CCDC85A: variants seen among roughly 807,000 people sequenced by gnomAD.
CCDC85A encodes coiled-coil domain containing 85A, also known as coiled-coil domain-containing protein 85A.
CCDC85A carries 38 observed loss-of-function variants against 50.2 expected under a neutral mutation model. The observed-to-expected ratio is 0.76, with a 90% CI of 0.58 to 0.99. CCDC85A has a LOEUF of 0.99. Ranked by LOEUF, CCDC85A falls within the 50% of genes least tolerant of loss-of-function variation. CCDC85A has a pLI of 0.00. For missense variants in CCDC85A, 820 were observed against 742.0 expected (o/e 1.11, Z -1.22); for synonymous variants, 366 against 301.4 (o/e 1.21, Z -2.22).
At chr2:56,252,912 G>A (rs1417413604) in intron 2 of CCDC85A, among the ~76,000 whole-genome samples, 6 of 151,958 alleles carry the variant, frequency 3.9e-5, no homozygotes, top group African/African-American at 1.2e-4. Context: ...TATACTACTC[G>A]GGAGGCTGAG....
At chr2:56,292,205 C>G (rs1464270037) in intron 2 of CCDC85A, among the ~76,000 whole-genome samples, 5 of 152,162 alleles carry the variant, frequency 3.3e-5, no homozygotes, top group Non-Finnish European at 7.4e-5. Context: ...GCCTCAGCCT[C>G]CCGAGTAGCT....
chr2:56,211,055 G>A (rs1040517701), intron 2 of CCDC85A, among the ~76,000 whole-genome samples: 1 of 152,026 alleles, frequency 6.6e-6, no homozygotes, highest in African/African-American at 2.4e-5. Flanking sequence ...ACCAACTTAT[G>A]TTATCTGACC....
intron 2 of CCDC85A, among the ~76,000 whole-genome samples, chr2:56,219,931 G>C (rs915397859): frequency 6.6e-6 from 1 of 151,986 alleles, no homozygotes; most frequent in Non-Finnish European, 1.5e-5. Context: ...ACAATACAAT[G>C]TGGTAAATGT....
At position 56,193,071 on chromosome 2, in the gene CCDC85A, G is replaced by A. The variant is rs187792610; in HGVS notation, c.871G>A (p.Glu291Lys). 1.1e-5 allele frequency: 17 copies of A among 1,613,766 alleles called. No individual in the cohort carries two copies. The highest frequency in any genetic ancestry group is 1.7e-5 in the Admixed American group (1 of 59,998). ...CAAACCCTTGTGCAAGGGCAGCCCCGAACAGCAAAGGCACCCGCATCCAGG... is the reference window on the plus strand; with the variant it reads ...CAAACCCTTGTGCAAGGGCAGCCCCAAACAGCAAAGGCACCCGCATCCAGG... The part of the protein sequence containing the change: ...HHKPLCKGSP[E>K]QQRHPHPGSS... The change falls in exon 2 of 6, where the codon GAA becomes AAA. Residue 291 changes from glutamate (E) to lysine (K), a missense_variant. Coordinates refer to ENST00000407595, the MANE Select transcript of CCDC85A (RefSeq NM_001080433.2).
At chr2:56,363,026 C>A (rs540526941) in intron 3 of CCDC85A, among the ~76,000 whole-genome samples, 1 of 152,030 alleles carries the variant, frequency 6.6e-6, no homozygotes, top group African/African-American at 2.4e-5. Context: ...ACTCTCTGTG[C>A]CCTAGACTTA....
At chr2:56,224,122 A>T (rs1053487566) in intron 2 of CCDC85A, among the ~76,000 whole-genome samples, 6 of 152,170 alleles carry the variant, frequency 3.9e-5, no homozygotes, top group Non-Finnish European at 8.8e-5. Context: ...AGTTATTTCC[A>T]ATCTTCCCTC....
rs115199313 is a variant in CCDC85A, at chr2:56,305,776, C to A, written c.1241-37103C>A. 3.4e-3 allele frequency among the ~76,000 whole-genome samples: 514 copies of A among 152,318 alleles called. 3 individuals carry two copies. The highest frequency in any genetic ancestry group is 0.012 in the African/African-American group (498 of 41,562). Reference sequence around the variant, plus strand: ...TTCAATATTGATATTTACAAGTGGACACATTGGCTTTGATTAATTGCCGAA... The same window carrying A: ...TTCAATATTGATATTTACAAGTGGAAACATTGGCTTTGATTAATTGCCGAA... On this transcript the variant is annotated intron_variant, in intron 2 of 5. Transcript: ENST00000407595.
rs563466663 is a variant in CCDC85A, at chr2:56,259,713, C to G, written c.1240+66273C>G. 2.0e-5 allele frequency among the ~76,000 whole-genome samples: 3 copies of G among 152,302 alleles called. No homozygotes were observed. In the South Asian group the frequency reaches 6.2e-4, roughly 32 times the overall value. The stretch of plus-strand genomic sequence containing the variant: ...TTCCTAGATCTTCCCAGAGCCTATT[C>G]TCCAAGGACTAGAAATTTCACCATT... On this transcript the variant is annotated intron_variant, in intron 2 of 5. Transcript: ENST00000407595.
In CCDC85A at chr2:56,184,039, G is replaced by T; in HGVS notation, c.-586G>T. 5 of 985,122 alleles carry T rather than the reference G, an allele frequency of 5.1e-6. No individual in the cohort carries two copies. Among genetic ancestry groups the T allele is most frequent in the Non-Finnish European group, 6.0e-6 (5 of 829,682 alleles). The allele number at this position is 985,122 out of a possible 1,614,324, so 61.0% of individuals were successfully genotyped here. ...GAAGGCTTTCCGGAGCAGCCTAGGAGCGGCCGCGGGCGCAGCGAAGGCGGC... is the reference window on the plus strand; with the variant it reads ...GAAGGCTTTCCGGAGCAGCCTAGGATCGGCCGCGGGCGCAGCGAAGGCGGC... On this transcript the variant is annotated 5_prime_UTR_variant, in exon 1 of 6. Coordinates refer to ENST00000407595, the MANE Select transcript of CCDC85A (RefSeq NM_001080433.2).
intron 5 of CCDC85A, chr2:56,383,773 C>CA: frequency 8.2e-6 from 8 of 981,516 alleles, no homozygotes; most frequent in Non-Finnish European, 9.7e-6. Flanking sequence ...TTCCTCAGCA[C>CA]ATTAAACACT....
intron 2 of CCDC85A, among the ~76,000 whole-genome samples, chr2:56,334,596 G>A (rs1226205107): frequency 6.6e-6 from 1 of 152,134 alleles, no homozygotes; most frequent in Non-Finnish European, 1.5e-5. Flanking sequence ...AAAGGGATCA[G>A]CCTAACAATA....
At chr2:56,277,279 A>G (rs1168371737) in intron 2 of CCDC85A, among the ~76,000 whole-genome samples, 3 of 152,146 alleles carry the variant, frequency 2.0e-5, no homozygotes, top group Non-Finnish European at 4.4e-5. Context: ...ATGACCTATC[A>G]TCTTGCAGAC....
chr2:56,313,490 G>A (rs1672786428), intron 2 of CCDC85A, among the ~76,000 whole-genome samples: 1 of 152,168 alleles, frequency 6.6e-6, no homozygotes, highest in East Asian at 1.9e-4. Context: ...TTGATTTTAG[G>A]CCAGTCAAGC....
intron 2 of CCDC85A, among the ~76,000 whole-genome samples, chr2:56,277,998 G>A (rs1671035974): frequency 6.6e-6 from 1 of 152,206 alleles, no homozygotes; most frequent in Non-Finnish European, 1.5e-5. Flanking sequence ...AGGTGAGCAT[G>A]TGTGAACATG....
At chr2:56,196,477 G>T (rs1423559904) in intron 2 of CCDC85A, among the ~76,000 whole-genome samples, 1 of 152,138 alleles carries the variant, frequency 6.6e-6, no homozygotes, top group Admixed American at 6.5e-5. Flanking sequence ...TTGAGAATGG[G>T]GGTTTCACTT....
intron 2 of CCDC85A, among the ~76,000 whole-genome samples, chr2:56,306,095 T>G (rs1672431347): frequency 6.6e-6 from 1 of 152,102 alleles, no homozygotes; most frequent in African/African-American, 2.4e-5. Context: ...TGCCTGTCTC[T>G]CCTTTTACTG....
At position 56,192,960 on chromosome 2, in the gene CCDC85A, G is replaced by T. The variant is rs554353955; in HGVS notation, c.760G>T (p.Ala254Ser). 19 of 1,613,202 alleles carry T rather than the reference G, an allele frequency of 1.2e-5. No homozygotes were observed. The highest frequency in any genetic ancestry group is 1.5e-5 in the Non-Finnish European group (18 of 1,179,750). Reference sequence around the variant, plus strand: ...CCCGGAGCACTCCAAGCACAGGAGCGCCAGCCCCGAGCATCCACAGAAACC... The same window carrying T: ...CCCGGAGCACTCCAAGCACAGGAGCTCCAGCCCCGAGCATCCACAGAAACC... ...GSPEHSKHRSASPEHPQKPRA... is the reference protein window; with the variant it reads ...GSPEHSKHRSSSPEHPQKPRA... Residue 254 changes from alanine to serine, a missense_variant, in exon 2 of 6, where the codon GCC becomes TCC. Coordinates refer to ENST00000407595, the MANE Select transcript of CCDC85A (RefSeq NM_001080433.2). The surrounding 1 kb of genome is among the most constrained non-coding windows in gnomAD (Gnocchi z 4.7).
chr2:56,348,207 T>C (rs1420559829), intron 3 of CCDC85A, among the ~76,000 whole-genome samples: 1 of 152,210 alleles, frequency 6.6e-6, no homozygotes, highest in Non-Finnish European at 1.5e-5. Context: ...TCAAATGCTC[T>C]GGCGCCCACA....
intron 3 of CCDC85A, among the ~76,000 whole-genome samples, chr2:56,356,924 A>G (rs550951656): frequency 6.6e-6 from 1 of 151,514 alleles, no homozygotes; most frequent in African/African-American, 2.4e-5. Flanking sequence ...CAAAAAAACA[A>G]AAAAGTAGGC....
Sources: gnomAD v4.1 joint callset for allele counts (sites outside exome capture counted in the v4.1 genomes callset) on GRCh38, gnomAD v4.1.1 for gene constraint, Gnocchi (gnomAD v3.1) non-coding constraint, MANE v1.5 for transcripts, NCBI Gene and HGNC (gene_info 2026-07-23, HGNC 2026-07-21) for gene names.